The following PPP1R9A variants were observed in gnomAD, a reference collection of about 807,000 sequenced individuals.
The protein encoded by PPP1R9A is protein phosphatase 1 regulatory subunit 9A.
Under a neutral mutation model 141.9 loss-of-function variants are expected in PPP1R9A, and 59 were observed. The observed-to-expected ratio is 0.42, with a 90% CI of 0.34 to 0.52. The LOEUF is 0.52. PPP1R9A is among the 20% of genes least tolerant of loss of function. The pLI is 0.10. For synonymous variants in PPP1R9A, 500 were observed against 569.7 expected (o/e 0.88, Z 1.74); for missense variants, 1,444 against 1,611.9 (o/e 0.90, Z 1.78).
At chr7:95,253,174 G>T (rs1799125995) in intron 12 of PPP1R9A, among the ~76,000 whole-genome samples, 1 of 152,140 alleles carries the variant, frequency 6.6e-6, no homozygotes, top group African/African-American at 2.4e-5. Context: ...ATACATAGTA[G>T]TCCCTGGAAA....
intron 2 of PPP1R9A, among the ~76,000 whole-genome samples, chr7:95,062,880 T>A (rs1812426251): frequency 6.6e-6 from 1 of 152,148 alleles, no homozygotes. Context: ...TGTTGCTTGG[T>A]AGCAGTAGCG....
chr7:95,085,572 G>T (rs1816507210), intron 2 of PPP1R9A, among the ~76,000 whole-genome samples: 1 of 151,568 alleles, frequency 6.6e-6, no homozygotes, highest in African/African-American at 2.4e-5. Flanking sequence ...TCACCACAAT[G>T]CCTGGCTAAT....
intron 7 of PPP1R9A, among the ~76,000 whole-genome samples, chr7:95,223,831 C>G (rs2152949039): frequency 6.6e-6 from 1 of 151,996 alleles, no homozygotes; most frequent in East Asian, 1.9e-4. Flanking sequence ...GGGTTAAAAA[C>G]AAGTACACAG....
chr7:95,046,080 CT>C (rs35583144), intron 2 of PPP1R9A, among the ~76,000 whole-genome samples: 51,320 of 124,692 alleles, frequency 0.41, 10,220 homozygotes, highest in Middle Eastern at 0.48. Flanking sequence ...TATTTCTTTT[CT>C]TTTTTTTTTT....
intron 7 of PPP1R9A, among the ~76,000 whole-genome samples, chr7:95,214,630 T>G (rs554484731): frequency 6.6e-6 from 1 of 152,248 alleles, no homozygotes; most frequent in African/African-American, 2.4e-5. Flanking sequence ...TACAAGGGCA[T>G]GAACACCCAG....
chr7:95,179,778 C>CAAAAAAAAA (rs61054939), intron 5 of PPP1R9A, among the ~76,000 whole-genome samples: 7 of 96,978 alleles, frequency 7.2e-5, no homozygotes, highest in African/African-American at 1.2e-4. Flanking sequence ...ACAATAGCTG[C>CAAAAAAAAA]AAAAAAAAAA....
At chr7:95,123,779 T>C (rs1007094236) in intron 4 of PPP1R9A, among the ~76,000 whole-genome samples, 2 of 152,232 alleles carry the variant, frequency 1.3e-5, no homozygotes, top group African/African-American at 4.8e-5. Flanking sequence ...TTAATTTTCA[T>C]GTTATCTACA....
intron 5 of PPP1R9A, among the ~76,000 whole-genome samples, chr7:95,186,054 C>G (rs560964514): frequency 1.3e-5 from 2 of 150,680 alleles, no homozygotes; most frequent in Admixed American, 6.6e-5. Context: ...TTTTCTAGTT[C>G]TGTGAAGAAT....
chr7:94,986,604 A>G (rs1488780537), intron 2 of PPP1R9A, among the ~76,000 whole-genome samples: 1 of 152,214 alleles, frequency 6.6e-6, no homozygotes, highest in Non-Finnish European at 1.5e-5. Flanking sequence ...TCAAAAAGCT[A>G]GAAGATTTTG....
chr7:95,241,855 G>A (rs80128400), intron 8 of PPP1R9A, among the ~76,000 whole-genome samples: 2,400 of 152,156 alleles, frequency 0.016, 68 homozygotes, highest in African/African-American at 0.053. Flanking sequence ...CTACTTAATA[G>A]CAAACAGTTA....
chr7:94,915,503 G>A (rs924442855), intron 2 of PPP1R9A, among the ~76,000 whole-genome samples: 3 of 152,170 alleles, frequency 2.0e-5, no homozygotes, highest in African/African-American at 7.2e-5. Context: ...CAATGGTTGA[G>A]CTACAAGTAC....
At chr7:95,122,556 C>G (rs1005095600) in intron 4 of PPP1R9A, among the ~76,000 whole-genome samples, 2 of 152,140 alleles carry the variant, frequency 1.3e-5, no homozygotes, top group African/African-American at 2.4e-5. Context: ...ATCTTCTTTT[C>G]CATGAGGTTA....
intron 5 of PPP1R9A, among the ~76,000 whole-genome samples, chr7:95,189,212 T>G (rs1052116670): frequency 2.0e-5 from 3 of 152,116 alleles, no homozygotes; most frequent in African/African-American, 7.2e-5. Context: ...AGGTTACCGC[T>G]TGCTTTTGCC....
intron 16 of PPP1R9A, among the ~76,000 whole-genome samples, chr7:95,279,807 T>A (rs1226730725): frequency 6.6e-6 from 1 of 152,224 alleles, no homozygotes; most frequent in Non-Finnish European, 1.5e-5. Flanking sequence ...AGATTTCTAT[T>A]CATACAAATT....
chr7:95,151,444 T>C (rs755861485), intron 4 of PPP1R9A, among the ~76,000 whole-genome samples: 12 of 152,276 alleles, frequency 7.9e-5, no homozygotes, highest in African/African-American at 2.9e-4. Flanking sequence ...AAAAAGATCA[T>C]TGTTTGCCGG....
chr7:95,198,544 A>G, intron 6 of PPP1R9A, 60 bp downstream of exon 6: 1 of 1,487,376 alleles, frequency 6.7e-7, no homozygotes, highest in Non-Finnish European at 9.0e-7. Context: ...AACTCTCTCT[A>G]CTGTATAACA....
At chr7:94,954,310 T>G (rs1008762288) in intron 2 of PPP1R9A, among the ~76,000 whole-genome samples, 62 of 152,114 alleles carry the variant, frequency 4.1e-4, no homozygotes, top group African/African-American at 1.4e-3. Context: ...TAAGTATTAA[T>G]TTTTTTACTG....
chr7:95,282,491 G>A (rs1804454149), intron 16 of PPP1R9A, among the ~76,000 whole-genome samples: 1 of 152,132 alleles, frequency 6.6e-6, no homozygotes, highest in Non-Finnish European at 1.5e-5. Context: ...TGTAAAGCTG[G>A]AGCCACTAGT....
intron 2 of PPP1R9A, among the ~76,000 whole-genome samples, chr7:95,031,174 C>A (rs1807627679): frequency 6.6e-6 from 1 of 152,128 alleles, no homozygotes. Context: ...GAAACTTGTT[C>A]TTCCTTTTGT....
Sources: allele counts gnomAD v4.1 joint callset (sites outside exome capture counted in the v4.1 genomes callset), GRCh38; gene constraint gnomAD v4.1.1; transcripts MANE v1.5; gene names NCBI Gene and HGNC (gene_info 2026-07-23, HGNC 2026-07-21).